Variants in PCDH11Y observed in about 807,000 individuals in gnomAD.
PCDH11Y encodes the protein protocadherin 11 Y-linked.
For missense variants in PCDH11Y, 12 were observed against 224.8 expected, an observed-to-expected ratio of 0.05 and a Z score of 6.05; for synonymous variants, 9 against 83.6, an observed-to-expected ratio of 0.11 and a Z score of 4.87.
chrY:5,092,099 G>A (rs2052742333), intron 1 of PCDH11Y, among the ~76,000 whole-genome samples: 1 of 32,650 alleles, frequency 3.1e-5, no homozygotes. Context: ...AAGAGACATA[G>A]TGTTTTCTTA....
chrY:5,422,746 A>G (rs1602923009), intron 2 of PCDH11Y, among the ~76,000 whole-genome samples: 1 of 33,618 alleles, frequency 3.0e-5, no homozygotes, highest in Non-Finnish European at 7.4e-5. Context: ...CATGCAAAAT[A>G]ATGAAGTGAG....
chrY:5,202,235 C>A (rs2052927600), intron 2 of PCDH11Y, among the ~76,000 whole-genome samples: 1 of 32,777 alleles, frequency 3.1e-5, no homozygotes, highest in Non-Finnish European at 7.5e-5. Flanking sequence ...AATGTCATCA[C>A]CCTTTCTCCT....
At chrY:5,559,292 G>A (rs2053426690) in intron 3 of PCDH11Y, among the ~76,000 whole-genome samples, 1 of 32,071 alleles carries the variant, frequency 3.1e-5, no homozygotes, top group African/African-American at 1.2e-4. Flanking sequence ...CTCCTTCAAG[G>A]CATCACAAAG....
chrY:5,407,870 C>T (rs2124677883), intron 2 of PCDH11Y, among the ~76,000 whole-genome samples: 1 of 23,684 alleles, frequency 4.2e-5, no homozygotes, highest in African/African-American at 1.7e-4. Context: ...GCCGAGATCG[C>T]GCCACTGCGC....
At chrY:5,338,316 G>T in intron 2 of PCDH11Y, 1 of 353,657 alleles carries the variant, frequency 2.8e-6, no homozygotes, top group Admixed American at 7.5e-5. Context: ...ATATCAGAAG[G>T]CATTGTAGCT....
chrY:5,500,460 A>G, intron 2 of PCDH11Y, among the ~76,000 whole-genome samples: 3 of 33,741 alleles, frequency 8.9e-5, no homozygotes, highest in Non-Finnish European at 2.2e-4. Context: ...TTGTTTTCAT[A>G]ATTACCATTA....
intron 2 of PCDH11Y, among the ~76,000 whole-genome samples, chrY:5,382,930 G>A: frequency 9.0e-5 from 3 of 33,311 alleles, no homozygotes; most frequent in Non-Finnish European, 2.2e-4. Context: ...GGCCGGTCGC[G>A]GTAGCTCATG....
intron 1 of PCDH11Y, among the ~76,000 whole-genome samples, chrY:5,017,113 C>A: frequency 1.2e-4 from 4 of 33,011 alleles, no homozygotes; most frequent in African/African-American, 2.3e-4. Context: ...AAGCCAGCAA[C>A]CTCAGTTATA....
intron 1 of PCDH11Y, among the ~76,000 whole-genome samples, chrY:5,062,724 A>G (rs2052677775): frequency 3.0e-5 from 1 of 33,227 alleles, no homozygotes; most frequent in Non-Finnish European, 7.5e-5. Flanking sequence ...TAAAAATCCC[A>G]CAGTATGGAT....
intron 2 of PCDH11Y, among the ~76,000 whole-genome samples, chrY:5,112,052 G>T: frequency 3.0e-5 from 1 of 33,470 alleles, no homozygotes; most frequent in African/African-American, 1.2e-4. Context: ...AAGAAAGCTT[G>T]TTAAAAGATT....
intron 4 of PCDH11Y, among the ~76,000 whole-genome samples, chrY:5,674,035 C>A: frequency 6.1e-5 from 2 of 32,737 alleles, no homozygotes; most frequent in East Asian, 1.6e-3. Context: ...GCCTCACTTT[C>A]TTCTTGGCAT....
intron 3 of PCDH11Y, among the ~76,000 whole-genome samples, chrY:5,574,601 G>T: frequency 3.0e-5 from 1 of 33,600 alleles, no homozygotes; most frequent in Non-Finnish European, 7.4e-5. Flanking sequence ...AATCTATATT[G>T]TTACAAAGTC....
chrY:5,452,962 T>C, intron 2 of PCDH11Y, among the ~76,000 whole-genome samples: 5 of 33,429 alleles, frequency 1.5e-4, no homozygotes, highest in African/African-American at 5.9e-4. Flanking sequence ...TAACTACTGG[T>C]GGGCTGCTCA....
At chrY:5,091,000 G>A in intron 1 of PCDH11Y, among the ~76,000 whole-genome samples, 1 of 32,660 alleles carries the variant, frequency 3.1e-5, no homozygotes, top group Admixed American at 2.8e-4. Context: ...GCACAAGAGA[G>A]CAGCTGCTAA....
At chrY:5,420,360 G>C in intron 2 of PCDH11Y, among the ~76,000 whole-genome samples, 2 of 32,982 alleles carry the variant, frequency 6.1e-5, no homozygotes, top group Non-Finnish European at 1.5e-4. Flanking sequence ...AATCACAATT[G>C]AATGAAACTA....
Position 5,037,499 on chromosome Y carries a change from G to A in PCDH11Y, c.32+4771G>A. The A allele has an allele frequency of 2.8e-5, 3 of 105,774 alleles. No homozygotes were observed. In the African/African-American group the frequency reaches 3.2e-4, roughly 11 times the overall value. The allele number at this position is 105,774 out of a possible 400,897, so 26.4% of individuals were successfully genotyped here. The stretch of plus-strand genomic sequence containing the variant: ...CAGGAGAATCACTTGAACCCGGGAG[G>A]CGGAGGTTGCAGTGAGCCAAGATTT... On this transcript the variant is annotated intron_variant, in intron 3 of 5. Coordinates refer to the PCDH11Y transcript ENST00000333703.
intron 4 of PCDH11Y, among the ~76,000 whole-genome samples, chrY:5,612,277 T>C (rs2053488315): frequency 3.0e-5 from 1 of 33,488 alleles, no homozygotes; most frequent in South Asian, 6.5e-4. Flanking sequence ...TATAATGTTT[T>C]CTTTTTTCAA....
intron 2 of PCDH11Y, among the ~76,000 whole-genome samples, chrY:5,235,703 T>A: frequency 3.0e-5 from 1 of 33,759 alleles, no homozygotes; most frequent in Admixed American, 2.7e-4. Context: ...TTTTTGCTAT[T>A]GTGAATAGTG....
rs2053435855 is a variant in PCDH11Y at position 5,567,079 on chromosome Y, A to G, written c.3329-14696A>G. On this transcript the variant is annotated intron_variant, in intron 3 of 4. Transcript: ENST00000400457. ...AGATTATGTTTTTTTTTTTCTTTTT[A>G]TGGTACGACATACAGTGCTGTGTTT... 9.7e-5 allele frequency among the ~76,000 whole-genome samples: 3 copies of G among 30,798 alleles called. No homozygotes were observed. The South Asian group carries it at 2.2e-3, about 22-fold the overall frequency. The allele number at this position is 30,798 out of a possible 37,273, so 82.6% of individuals were successfully genotyped here.
Sources: gnomAD v4.1 joint callset for allele counts (sites outside exome capture counted in the v4.1 genomes callset) on GRCh38, gnomAD v4.1.1 for gene constraint, MANE v1.5 for transcripts, NCBI Gene and HGNC (gene_info 2026-07-23, HGNC 2026-07-21) for gene names.